The following ZFHX3 variants were observed in gnomAD, a reference collection of about 807,000 sequenced individuals.
ZFHX3 encodes the protein zinc finger homeobox 3.
ZFHX3 carries 42 observed loss-of-function variants against 279.1 expected under a neutral mutation model. The observed-to-expected ratio is 0.15, with a 90% CI of 0.12 to 0.19. The LOEUF (loss-of-function observed/expected upper bound fraction) is 0.19. ZFHX3 is among the 10% of genes least tolerant of loss of function. ZFHX3 has a pLI of 1.00. For missense variants in ZFHX3, 4,981 were observed against 4,754.0 expected, an observed-to-expected ratio of 1.05 and a Z score of -1.40; for synonymous variants, 2,293 against 1,957.8, an observed-to-expected ratio of 1.17 and a Z score of -4.52.
intron 4 of ZFHX3, among the ~76,000 whole-genome samples, chr16:72,835,202 C>G (rs2143752294): frequency 6.6e-6 from 1 of 152,280 alleles, no homozygotes; most frequent in South Asian, 2.1e-4. Flanking sequence ...TGTCGGCAGG[C>G]TCAAGAGCTG....
intron 2 of ZFHX3, among the ~76,000 whole-genome samples, chr16:73,545,369 A>G (rs541056967): frequency 1.8e-4 from 27 of 151,900 alleles, no homozygotes; most frequent in Non-Finnish European, 2.1e-4. Context: ...GTGGCAGGGT[A>G]TATTATTTAA....
intron 1 of ZFHX3, among the ~76,000 whole-genome samples, chr16:73,032,445 G>T (rs1964739582): frequency 6.6e-6 from 1 of 152,058 alleles, no homozygotes; most frequent in African/African-American, 2.4e-5. Context: ...AAAACCAGAG[G>T]TATACTCGAC....
chr16:73,172,509 C>T (rs1967552989), intron 5 of ZFHX3, among the ~76,000 whole-genome samples: 1 of 152,248 alleles, frequency 6.6e-6, no homozygotes, highest in Non-Finnish European at 1.5e-5. Flanking sequence ...GTTGAACTTA[C>T]CCCTCTCCTG....
intron 2 of ZFHX3, among the ~76,000 whole-genome samples, chr16:73,591,365 C>A (rs898415713): frequency 4.6e-5 from 7 of 150,820 alleles, no homozygotes; most frequent in Admixed American, 6.6e-5. Context: ...AAACAAAAAA[C>A]AAACAAACAA....
chr16:73,873,451 A>T (rs534700443), intron 1 of ZFHX3, among the ~76,000 whole-genome samples: 2 of 152,124 alleles, frequency 1.3e-5, no homozygotes, highest in East Asian at 3.9e-4. Context: ...CACTCATTTT[A>T]TGTGTTTCTT....
At chr16:73,442,876 C>G (rs181248338) in intron 3 of ZFHX3, among the ~76,000 whole-genome samples, 1 of 152,040 alleles carries the variant, frequency 6.6e-6, no homozygotes, top group African/African-American at 2.4e-5. Context: ...CTCAGCCTCC[C>G]GAGCAGCTAC....
intron 2 of ZFHX3, among the ~76,000 whole-genome samples, chr16:73,599,245 G>C (rs1459320892): frequency 6.6e-6 from 1 of 152,186 alleles, no homozygotes; most frequent in African/African-American, 2.4e-5. Context: ...GTCAGTAGAG[G>C]AGAGCCATAA....
In ZFHX3 at chr16:72,829,828, A is replaced by C. The variant is rs551609120; in HGVS notation, c.3480T>G (p.Ser1160Arg). 1.9e-6 allele frequency: 3 copies of C among 1,614,196 alleles called. No homozygotes were observed. In the African/African-American group the frequency reaches 4.0e-5, roughly 22 times the overall value. ...EEAIEDVEGP[S>R]ETAADPEELA... ...GCTCCTCTGGATCAGCAGCTGTTTCACTGGGTCCTTCAACATCTTCAATGG... is the reference window on the plus strand; with the variant it reads ...GCTCCTCTGGATCAGCAGCTGTTTCCCTGGGTCCTTCAACATCTTCAATGG... Residue 1160 changes from serine to arginine, a missense_variant, in exon 5 of 10, where the codon AGT (serine) becomes AGG (arginine). This residue lies in a region of ZFHX3 where 1,751 missense variants were observed against 1,770.0 expected (regional missense o/e 0.99). Coordinates refer to ENST00000268489, the MANE Select transcript of ZFHX3 (RefSeq NM_006885.4).
intron 2 of ZFHX3, among the ~76,000 whole-genome samples, chr16:73,537,902 G>A (rs917498184): frequency 2.0e-5 from 3 of 152,132 alleles, no homozygotes; most frequent in African/African-American, 7.2e-5. Flanking sequence ...CTTGGAATTC[G>A]ACTTATCGAT....
At chr16:73,423,962 A>G (rs1896512857) in intron 3 of ZFHX3, among the ~76,000 whole-genome samples, 1 of 152,014 alleles carries the variant, frequency 6.6e-6, no homozygotes. Flanking sequence ...CTGTGCCAAT[A>G]TTACCATTCA....
intron 2 of ZFHX3, among the ~76,000 whole-genome samples, chr16:73,671,044 T>C (rs1052306158): frequency 1.3e-5 from 2 of 152,168 alleles, no homozygotes; most frequent in African/African-American, 4.8e-5. Context: ...TTCAAAACAG[T>C]GTATGGAAGT....
intron 1 of ZFHX3, among the ~76,000 whole-genome samples, chr16:73,729,553 CCAAAA>C (rs201192670): frequency 4.8e-4 from 15 of 31,214 alleles, no homozygotes; most frequent in Admixed American, 3.5e-3. Flanking sequence ...AACAAACAAA[CCAAAA>C]AAAAAAAAAA....
At chr16:73,001,094 T>G (rs528724450) in intron 1 of ZFHX3, among the ~76,000 whole-genome samples, 2 of 152,224 alleles carry the variant, frequency 1.3e-5, no homozygotes, top group Non-Finnish European at 2.9e-5. Context: ...AGGACAAATG[T>G]GATAGGACAC....
chr16:73,344,505 T>A (rs988837613), intron 3 of ZFHX3, among the ~76,000 whole-genome samples: 1 of 152,184 alleles, frequency 6.6e-6, no homozygotes, highest in Non-Finnish European at 1.5e-5. Flanking sequence ...AAATTTGAAT[T>A]TGGACTGTGG....
At chr16:73,450,094 T>C (rs1224315948) in intron 3 of ZFHX3, among the ~76,000 whole-genome samples, 2 of 152,230 alleles carry the variant, frequency 1.3e-5, no homozygotes, top group Non-Finnish European at 2.9e-5. Context: ...GTGTACTGAT[T>C]ACCACAGCCA....
intron 5 of ZFHX3, among the ~76,000 whole-genome samples, chr16:72,816,470 G>T (rs187580693): frequency 3.3e-5 from 5 of 152,236 alleles, no homozygotes; most frequent in Non-Finnish European, 7.3e-5. Context: ...CGAAATGCTG[G>T]GTCAAACTCC....
At chr16:73,127,378 T>A in intron 7 of ZFHX3, 1 of 1,305,440 alleles carries the variant, frequency 7.7e-7, no homozygotes, top group Non-Finnish European at 1.0e-6. Context: ...ACTGAATGGC[T>A]GCTAACTAAA....
chr16:73,765,694 C>A (rs995966595), intron 1 of ZFHX3, among the ~76,000 whole-genome samples: 1 of 152,224 alleles, frequency 6.6e-6, no homozygotes, highest in Admixed American at 6.5e-5. Flanking sequence ...TGCCCAAATT[C>A]TTTGCTCCAC....
chr16:73,228,571 G>A (rs2012675562), intron 5 of ZFHX3, among the ~76,000 whole-genome samples: 1 of 152,222 alleles, frequency 6.6e-6, no homozygotes. Context: ...GCTGAGGTGG[G>A]AGGATTGCTT....
Sources: allele counts gnomAD v4.1 joint callset (sites outside exome capture counted in the v4.1 genomes callset), GRCh38; gene constraint gnomAD v4.1.1; regional missense constraint gnomAD v4.1.1; transcripts MANE v1.5; gene names NCBI Gene and HGNC (gene_info 2026-07-23, HGNC 2026-07-21).